CDA: variants seen among roughly 807,000 people sequenced by gnomAD.
The protein encoded by CDA is cytidine aminohydrolase.
Under a neutral mutation model 15.0 loss-of-function variants are expected in CDA, and 7 were observed. That is an observed-to-expected ratio of 0.47 (90% CI 0.26 to 0.87). CDA has a LOEUF of 0.87. Among genes scored for constraint, CDA ranks in the 40% least tolerant of loss-of-function variants. CDA has a pLI of 0.15. For synonymous variants in CDA, 58 were observed against 73.0 expected, an observed-to-expected ratio of 0.79 and a Z score of 1.05; for missense variants, 159 against 182.7, an observed-to-expected ratio of 0.87 and a Z score of 0.75.
intron 1 of CDA, among the ~76,000 whole-genome samples, chr1:20,593,281 C>T (rs533072656): frequency 3.3e-5 from 5 of 152,216 alleles, no homozygotes; most frequent in African/African-American, 1.2e-4. Flanking sequence ...GGAGTGAGCT[C>T]ACTAAGGACT....
chr1:20,606,176 G>T (rs1487433434), intron 2 of CDA, among the ~76,000 whole-genome samples: 1 of 90,050 alleles, frequency 1.1e-5, no homozygotes, highest in Non-Finnish European at 2.5e-5. Flanking sequence ...CTTCCTTAAG[G>T]CTTCCGGAGG....
chr1:20,615,125 G>T (rs962490660), intron 3 of CDA, among the ~76,000 whole-genome samples: 3 of 152,098 alleles, frequency 2.0e-5, no homozygotes, highest in African/African-American at 7.2e-5. Flanking sequence ...CTCCCAAAGT[G>T]CTGGGATTAC....
At chr1:20,607,999 G>A (rs532513754) in intron 2 of CDA, among the ~76,000 whole-genome samples, 59 of 152,308 alleles carry the variant, frequency 3.9e-4, no homozygotes, top group Non-Finnish European at 5.7e-4. Flanking sequence ...TTTCCAGCCC[G>A]TCAAGTCTGA....
intron 2 of CDA, among the ~76,000 whole-genome samples, chr1:20,613,206 AT>A (rs34293111): frequency 0.23 from 34,403 of 147,206 alleles, 4,087 homozygotes; most frequent in African/African-American, 0.28. Context: ...TCCTTCTGCA[AT>A]TTTTTTTTTT....
rs548004182 is a variant in CDA, at chr1:20,611,776, C to T, written c.267-2066C>T. 1.8e-4 allele frequency among the ~76,000 whole-genome samples: 28 copies of T among 152,350 alleles called. No individual in the cohort carries two copies. In the South Asian group the frequency reaches 5.4e-3, roughly 29 times the overall value. ...TCACAGGCAATCCCTGGCTGGTGAG[C>T]TTCTTCAGTGCAAGGAGCCCATTTT... On this transcript the variant is annotated intron_variant, in intron 2 of 3. Transcript: ENST00000375071.
At chr1:20,589,432 C>G in intron 1 of CDA, 149 bp downstream of exon 1, 3 of 788,690 alleles carry the variant, frequency 3.8e-6, no homozygotes, top group Non-Finnish European at 6.2e-6. Context: ...ATGTTCCTAC[C>G]CTGCCGACTG....
intron 1 of CDA, among the ~76,000 whole-genome samples, chr1:20,598,609 G>C (rs1475864814): frequency 1.3e-5 from 2 of 152,230 alleles, no homozygotes; most frequent in Admixed American, 6.5e-5. Context: ...CTTGGCGAGG[G>C]CCCTCTTTCT....
At chr1:20,612,562 C>T (rs924369314) in intron 2 of CDA, among the ~76,000 whole-genome samples, 1 of 152,048 alleles carries the variant, frequency 6.6e-6, no homozygotes, top group African/African-American at 2.4e-5. Flanking sequence ...CATTACCTAC[C>T]CAAATCCTAT....
chr1:20,590,657 C>A (rs1008557566), intron 1 of CDA, among the ~76,000 whole-genome samples: 2 of 152,202 alleles, frequency 1.3e-5, no homozygotes, highest in African/African-American at 2.4e-5. Flanking sequence ...TATGTATCTG[C>A]CTCTCCCTTG....
intron 1 of CDA, among the ~76,000 whole-genome samples, chr1:20,596,518 T>C (rs1443933515): frequency 6.6e-6 from 1 of 152,030 alleles, no homozygotes; most frequent in Non-Finnish European, 1.5e-5. Context: ...GAGTTCAAAT[T>C]CCAGCTGGGC....
In CDA at chr1:20,604,786, C is replaced by T. The variant is rs111333323; in HGVS notation, c.155-142C>T. On this transcript the variant is annotated intron_variant, in intron 1 of 3. Coordinates refer to ENST00000375071, the MANE Select transcript of CDA (RefSeq NM_001785.3). ...TCTACCAGTGCCCCAGGTCGAATTG[C>T]CCTAATTGCCCTGTCCTTCTCCCCA... The T allele has an allele frequency of 4.2e-3, 2,897 of 692,256 alleles. 14 individuals carry two copies. Among genetic ancestry groups the T allele is most frequent in the Non-Finnish European group, 5.1e-3 (1,933 of 375,570 alleles). The allele number at this position is 692,256 out of a possible 1,614,324, so 42.9% of individuals were successfully genotyped here.
rs142509571 is a variant in CDA, at chr1:20,589,180, G to C, written c.51G>C (p.Gln17His). 2 of 1,614,166 alleles carry C rather than the reference G, an allele frequency of 1.2e-6. No homozygotes were observed. The highest frequency in any genetic ancestry group is 3.3e-5 in the Admixed American group (2 of 60,026). ...CCCTGAAGCCTGAGTGTGTCCAGCA[G>C]CTGCTGGTTTGCTCCCAGGAGGCCA... Reference protein sequence around the residue: ...ACTLKPECVQQLLVCSQEAKK... With the variant: ...ACTLKPECVQHLLVCSQEAKK... The change falls in exon 1 of 4, where the codon CAG (glutamine) becomes CAC (histidine). Residue 17 changes from glutamine to histidine, a missense_variant. By Grantham distance (24) the Gln-to-His change is conservative. Transcript: ENST00000375071.
At chr1:20,613,024 T>C (rs1321338677) in intron 2 of CDA, among the ~76,000 whole-genome samples, 7 of 150,678 alleles carry the variant, frequency 4.6e-5, no homozygotes, top group Non-Finnish European at 1.5e-5. Context: ...GAGAATTCCA[T>C]GAATTAATGA....
At chr1:20,609,740 C>G (rs573337) in intron 2 of CDA, among the ~76,000 whole-genome samples, 136,976 of 152,226 alleles carry the variant, frequency 0.9, 61,995 homozygotes, top group Middle Eastern at 0.96. Flanking sequence ...GTCGACATGT[C>G]TGGAATGAAG....
intron 1 of CDA, among the ~76,000 whole-genome samples, chr1:20,592,251 A>T (rs887289998): frequency 1.3e-5 from 2 of 152,194 alleles, no homozygotes; most frequent in African/African-American, 4.8e-5. Context: ...GGCAGGCAGC[A>T]TTCACTCTGA....
At chr1:20,617,510 G>A (rs1040933970) in intron 3 of CDA, among the ~76,000 whole-genome samples, 7 of 152,014 alleles carry the variant, frequency 4.6e-5, no homozygotes, top group Non-Finnish European at 8.8e-5. Context: ...CGCTGTTCTC[G>A]TGATAGTGAA....
intron 1 of CDA, among the ~76,000 whole-genome samples, chr1:20,591,202 G>A (rs567992850): frequency 2.6e-5 from 4 of 152,190 alleles, no homozygotes; most frequent in East Asian, 1.9e-4. Context: ...ATAGCCGGGC[G>A]TGGTGATGGG....
intron 1 of CDA, among the ~76,000 whole-genome samples, chr1:20,595,394 C>T (rs576868383): frequency 3.4e-4 from 52 of 152,260 alleles, no homozygotes; most frequent in African/African-American, 1.3e-3. Flanking sequence ...CTTTCTCTGC[C>T]TGGATGCATT....
chr1:20,608,479 G>A lies in CDA; in HGVS notation c.266+3440G>A, dbSNP rs145151350. On this transcript the variant is annotated intron_variant, in intron 2 of 3. Transcript: ENST00000375071. ...GGCTGGAGTGTAGTGGCAAGATTTC[G>A]GCTCACTGCAACCTCCGCCTCCCAG... Among the ~76,000 whole-genome samples the A allele has an allele frequency of 5.4e-3, 800 of 149,318 alleles. 17 individuals carry two copies. Among genetic ancestry groups the A allele is most frequent in the Admixed American group, 0.04 (603 of 15,008 alleles).
Sources: gnomAD v4.1 joint callset for allele counts (sites outside exome capture counted in the v4.1 genomes callset) on GRCh38, gnomAD v4.1.1 for gene constraint, MANE v1.5 for transcripts, NCBI Gene and HGNC (gene_info 2026-07-23, HGNC 2026-07-21) for gene names.